The following CELA1 variants were observed in gnomAD, a reference collection of about 807,000 sequenced individuals.
CELA1 encodes the protein chymotrypsin like elastase 1, also known as chymotrypsin-like elastase family member 1.
In CELA1, 28 loss-of-function variants were observed where a neutral mutation model predicts 34.8. That is an observed-to-expected ratio of 0.80 (90% CI 0.60 to 1.10). CELA1 has a LOEUF of 1.10. Ranked by LOEUF, CELA1 falls within the 50% of genes least tolerant of loss-of-function variation. CELA1 has a pLI of 0.00. For missense variants in CELA1, 288 were observed against 327.5 expected (o/e 0.88, Z 0.93); for synonymous variants, 140 against 129.8 (o/e 1.08, Z -0.53).
At position 51,339,210 on chromosome 12, in the gene CELA1, C is replaced by T. The variant is rs536618559; in HGVS notation, c.609+650G>A. 3.9e-5 allele frequency among the ~76,000 whole-genome samples: 6 copies of T among 152,214 alleles called. No homozygotes were observed. In the East Asian group the frequency reaches 1.2e-3, roughly 29 times the overall value. On this transcript the variant is annotated intron_variant, in intron 6 of 7. Transcript: ENST00000293636. ...GCAGGGTACTGCTTATACAGCATCA[C>T]AACCACCTGTCCAGGCTCAGCTGCA...
intron 6 of CELA1, among the ~76,000 whole-genome samples, chr12:51,337,221 C>T (rs1341479766): frequency 6.6e-6 from 1 of 152,148 alleles, no homozygotes; most frequent in African/African-American, 2.4e-5. Flanking sequence ...TTGATTGCAA[C>T]TACTTTGTGT....
At chr12:51,335,301 G>C (rs541806840) in intron 6 of CELA1, among the ~76,000 whole-genome samples, 2 of 152,168 alleles carry the variant, frequency 1.3e-5, no homozygotes, top group South Asian at 2.1e-4. Context: ...CTGTCACCCA[G>C]GCTGGAGTGC....
chr12:51,342,586 G>T lies in CELA1; in HGVS notation c.315C>A (p.Asn105Lys), dbSNP rs765460268. 6.2e-7 allele frequency: 1 copy of T among 1,614,116 alleles called. No homozygotes were observed. The highest frequency in any genetic ancestry group is 8.5e-7 in the Non-Finnish European group (1 of 1,179,996). Residue 105 changes from asparagine to lysine, a missense_variant, in exon 4 of 8, where the codon AAC becomes AAA. Coordinates refer to ENST00000293636, the MANE Select transcript of CELA1 (RefSeq NM_001971.6). Reference protein sequence around the residue: ...IVVHPYWNSDNVAAGYDIALL... With the variant: ...IVVHPYWNSDKVAAGYDIALL... ...GGACTTGCTCCTACCCGGCAGCCAC[G>T]TTATCGCTGTTCCAGTATGGATGCA...
intron 5 of CELA1, among the ~76,000 whole-genome samples, chr12:51,340,260 C>T (rs973692269): frequency 5.9e-5 from 9 of 152,118 alleles, no homozygotes; most frequent in Admixed American, 2.6e-4. Context: ...TCTTTTCACT[C>T]GTGGATAACT....
chr12:51,343,500 G>T (rs1024638818), intron 3 of CELA1, among the ~76,000 whole-genome samples: 4 of 152,248 alleles, frequency 2.6e-5, no homozygotes, highest in Non-Finnish European at 5.9e-5. Context: ...CCACTTTAGA[G>T]ATAGGAGAAT....
At chr12:51,341,720 G>T (rs903888774) in intron 4 of CELA1, among the ~76,000 whole-genome samples, 1 of 152,040 alleles carries the variant, frequency 6.6e-6, no homozygotes, top group African/African-American at 2.4e-5. Context: ...AAAAGGCTGA[G>T]TGGCTCTACA....
intron 2 of CELA1, among the ~76,000 whole-genome samples, chr12:51,344,739 T>C (rs1208327081): frequency 6.6e-6 from 1 of 152,176 alleles, no homozygotes; most frequent in African/African-American, 2.4e-5. Context: ...ATTTGCTCCA[T>C]CACCTAAGCC....
chr12:51,341,368 G>A lies in CELA1; in HGVS notation c.339C>T (p.Ala113=). The A allele has an allele frequency of 2.5e-6, 4 of 1,614,134 alleles. No homozygotes were observed. Among genetic ancestry groups the A allele is most frequent in the Non-Finnish European group, 3.4e-6 (4 of 1,180,020 alleles). The change falls in exon 5 of 8, where the codon GCC becomes GCT. Residue 113 remains alanine, a synonymous_variant. Coordinates refer to ENST00000293636, the MANE Select transcript of CELA1 (RefSeq NM_001971.6). ...TAACGCTCTGGGCCAGGCGCAGCAG[G>A]GCGATGTCATAGCTGCAGGAGAAAA... ...SDNVAAGYDI[A]LLRLAQSVTL... is the part of the protein sequence containing the mutation.
rs1463672963 is a variant in CELA1 at position 51,338,283 on chromosome 12, CACACAT to C, written c.609+1571_609+1576del. The stretch of plus-strand genomic sequence containing the variant: ...ACACACACACACACACACACACACA[CACACAT>C]ACACATACGCATACATATATATATA... On this transcript the variant is annotated intron_variant, in intron 6 of 7. Transcript: ENST00000293636. 1.5e-3 allele frequency among the ~76,000 whole-genome samples: 186 copies of C among 127,050 alleles called. 3 individuals carry two copies. Among genetic ancestry groups the C allele is most frequent in the Admixed American group, 4.2e-3 (49 of 11,804 alleles). The allele number at this position is 127,050 out of a possible 152,430, so 83.3% of individuals were successfully genotyped here.
intron 1 of CELA1, among the ~76,000 whole-genome samples, 193 bp downstream of exon 1, chr12:51,346,430 C>A (rs1946565163): frequency 6.6e-6 from 1 of 152,122 alleles, no homozygotes; most frequent in Middle Eastern, 3.2e-3. Flanking sequence ...CTGACCTTTT[C>A]TATCTTGGCC....
chr12:51,339,973 C>T lies in CELA1; in HGVS notation c.496G>A (p.Ala166Thr). Residue 166 changes from alanine (A) to threonine (T), a missense_variant, in exon 6 of 8, where the codon GCT becomes ACT. Transcript: ENST00000293636. ...NGQLAQTLQQ[A>T]YLPSVDYAIC... ...GCGTAGTCCACAGAGGGCAGGTAAG[C>T]CTGCTGCAGGGTCTGGGCCAGCTGC... The T allele has an allele frequency of 6.2e-7, 1 of 1,613,958 alleles. No individual in the cohort carries two copies. The highest frequency in any genetic ancestry group is 2.2e-5 in the East Asian group (1 of 44,866).
intron 6 of CELA1, among the ~76,000 whole-genome samples, chr12:51,339,420 T>C (rs746906340): frequency 2.0e-5 from 3 of 151,946 alleles, no homozygotes; most frequent in Admixed American, 6.6e-5. Flanking sequence ...GGCGTGGTGG[T>C]GCATGCCTGT....
At chr12:51,338,477 G>A (rs573569419) in intron 6 of CELA1, among the ~76,000 whole-genome samples, 1 of 152,006 alleles carries the variant, frequency 6.6e-6, no homozygotes, top group Non-Finnish European at 1.5e-5. Flanking sequence ...TTGGCCCCCT[G>A]CCTTTATTCA....
chr12:51,329,378 T>C (rs973421488), intron 7 of CELA1, among the ~76,000 whole-genome samples: 1 of 152,194 alleles, frequency 6.6e-6, no homozygotes, highest in African/African-American at 2.4e-5. Flanking sequence ...AACCTGTTTT[T>C]CCCTGGGCTT....
chr12:51,331,241 T>A (rs1322633207), intron 6 of CELA1, among the ~76,000 whole-genome samples: 1 of 151,664 alleles, frequency 6.6e-6, no homozygotes, highest in Non-Finnish European at 1.5e-5. Context: ...ATACAAAAAT[T>A]AGCCGGGCGT....
intron 5 of CELA1, among the ~76,000 whole-genome samples, chr12:51,340,931 C>T (rs762624318): frequency 6.6e-6 from 1 of 152,070 alleles, no homozygotes; most frequent in Non-Finnish European, 1.5e-5. Flanking sequence ...CACTTGAGCC[C>T]AGGAAGTGGA....
At position 51,328,516 on chromosome 12, in the gene CELA1, C is replaced by A. The variant is rs1461947111; in HGVS notation, c.*61G>T. ...TTCAGAATGTGTTTTACTTTTTGAT[C>A]GCAAGTCCTACTGCAGATCTAAGAA... On this transcript the variant is annotated 3_prime_UTR_variant, in exon 8 of 8. Coordinates refer to ENST00000293636, the MANE Select transcript of CELA1 (RefSeq NM_001971.6). 13 of 1,567,820 alleles carry A rather than the reference C, an allele frequency of 8.3e-6. No homozygotes were observed.
intron 4 of CELA1, among the ~76,000 whole-genome samples, chr12:51,342,147 C>T (rs1946539699): frequency 6.6e-6 from 1 of 152,050 alleles, no homozygotes; most frequent in Non-Finnish European, 1.5e-5. Flanking sequence ...TCAAGTGATT[C>T]TCCTGTAATC....
chr12:51,340,029 C>A, intron 5 of CELA1, 24 bp from the exon 6 acceptor site: 2 of 1,604,160 alleles, frequency 1.2e-6, no homozygotes, highest in Non-Finnish European at 1.7e-6. Context: ...ACGGCATTGG[C>A]AGTCAGCTCC....
Sources: allele counts gnomAD v4.1 joint callset (sites outside exome capture counted in the v4.1 genomes callset), GRCh38; gene constraint gnomAD v4.1.1; transcripts MANE v1.5; gene names NCBI Gene and HGNC (gene_info 2026-07-23, HGNC 2026-07-21).